Variants in NHSL2 observed in about 807,000 individuals in gnomAD.
NHSL2 encodes NHS like 2.
NHSL2 carries 27 observed loss-of-function variants against 53.4 expected under a neutral mutation model. The observed-to-expected ratio is 0.51, with a 90% CI of 0.37 to 0.70. The LOEUF (loss-of-function observed/expected upper bound fraction) is 0.70, where lower values mean the gene tolerates loss of function less well. Ranked by LOEUF, NHSL2 falls within the 30% of genes least tolerant of loss-of-function variation. The pLI, the probability that NHSL2 is intolerant of heterozygous loss-of-function variation, is 0.00. For missense variants in NHSL2, 892 were observed against 980.1 expected (o/e 0.91, Z 1.20); for synonymous variants, 408 against 404.1 (o/e 1.01, Z -0.12).
At chrX:71,959,818 T>G (rs1363049144) in intron 1 of NHSL2, among the ~76,000 whole-genome samples, 1 of 112,637 alleles carries the variant, frequency 8.9e-6, no homozygotes, top group East Asian at 2.8e-4. Flanking sequence ...TCTCTTTTTT[T>G]TGTGGAAAGA....
At chrX:72,020,268 A>G (rs1471779220) in intron 1 of NHSL2, among the ~76,000 whole-genome samples, 1 of 112,392 alleles carries the variant, frequency 8.9e-6, no homozygotes, top group Non-Finnish European at 1.9e-5. Context: ...CAGCTCACAC[A>G]GCAGCACTGA....
chrX:71,964,804 C>T (rs1167609295), intron 1 of NHSL2, among the ~76,000 whole-genome samples: 1 of 112,515 alleles, frequency 8.9e-6, no homozygotes, highest in Non-Finnish European at 1.9e-5. Context: ...CAAACTCTTA[C>T]ATCTTTCATT....
intron 1 of NHSL2, among the ~76,000 whole-genome samples, chrX:71,948,809 G>A (rs1357620970): frequency 2.0e-5 from 2 of 101,333 alleles, no homozygotes; most frequent in Non-Finnish European, 4.0e-5. Flanking sequence ...CAGCCTGGGC[G>A]ACACAGCAAG....
chrX:72,150,543 G>A lies in NHSL2; in HGVS notation c.*6969G>A, dbSNP rs1398082000. ...GGCTTGATATTCTGTCAATCCCTGG[G>A]CTCAAATTCCAGCTCCATCTTATCA... On this transcript the variant is annotated 3_prime_UTR_variant, in exon 8 of 8. Coordinates refer to ENST00000633930, the MANE Select transcript of NHSL2 (RefSeq NM_001013627.3). 1 of 112,013 alleles carries A rather than the reference G, an allele frequency of 8.9e-6. No individual in the cohort carries two copies. The highest frequency in any genetic ancestry group is 9.5e-5 in the Admixed American group (1 of 10,568). The allele number at this position is 112,013 out of a possible 1,213,427, so 9.2% of individuals were successfully genotyped here. A position where few individuals can be genotyped will look rare whatever the true frequency, so the allele number is the denominator to read the frequency against.
chrX:72,012,056 T>C lies in NHSL2; in HGVS notation c.280+100689T>C, dbSNP rs762952330. 2.7e-5 allele frequency among the ~76,000 whole-genome samples: 3 copies of C among 112,053 alleles called. No individual in the cohort carries two copies. The South Asian group carries it at 1.1e-3, about 41-fold the overall frequency. ...ACATATGGTTTGCAAACATTTTCTC[T>C]TGGTCTGAAGCTTTTTCTCATCCTC... On this transcript the variant is annotated intron_variant, in intron 1 of 7. Coordinates refer to ENST00000633930, the MANE Select transcript of NHSL2 (RefSeq NM_001013627.3).
At chrX:71,964,920 C>T (rs756869837) in intron 1 of NHSL2, among the ~76,000 whole-genome samples, 2 of 111,269 alleles carry the variant, frequency 1.8e-5, no homozygotes, top group South Asian at 7.6e-4. Flanking sequence ...TCTAAAAAGT[C>T]ATTGCAATGT....
chrX:72,138,893 G>A lies in NHSL2; in HGVS notation c.1345G>A (p.Ala449Thr). 8.3e-7 allele frequency: 1 copy of A among 1,210,093 alleles called. No homozygotes were observed. The change falls in exon 6 of 8, where the codon GCA (alanine) becomes ACA (threonine). Residue 449 changes from alanine to threonine, a missense_variant. Physicochemically the swap from Ala to Thr is moderately conservative, Grantham distance 58. Coordinates refer to ENST00000633930, the MANE Select transcript of NHSL2 (RefSeq NM_001013627.3). ...ATLLVARDNP[A>T]GCSGSAGYPE... ...CCTCCTTGTCGCTCGTGATAACCCA[G>A]CAGGATGCAGTGGGTCAGCTGGCTA...
At chrX:72,102,998 G>A (rs1165265910) in intron 1 of NHSL2, among the ~76,000 whole-genome samples, 2 of 112,483 alleles carry the variant, frequency 1.8e-5, no homozygotes. Flanking sequence ...CCTAGCTCCA[G>A]TAGCAAAGCA....
intron 1 of NHSL2, among the ~76,000 whole-genome samples, chrX:71,959,559 A>AT (rs1313858545): frequency 2.7e-5 from 3 of 111,387 alleles, no homozygotes; most frequent in African/African-American, 9.8e-5. Flanking sequence ...AATTTTAAAG[A>AT]TTTTCAGCTT....
intron 1 of NHSL2, among the ~76,000 whole-genome samples, chrX:72,089,112 G>A (rs2041875163): frequency 9.0e-6 from 1 of 111,111 alleles, no homozygotes; most frequent in Admixed American, 9.6e-5. Flanking sequence ...GAAGATCTAG[G>A]TTCCTCTAGA....
intron 1 of NHSL2, among the ~76,000 whole-genome samples, chrX:72,126,707 G>A (rs753169629): frequency 9.0e-6 from 1 of 111,715 alleles, no homozygotes; most frequent in African/African-American, 3.3e-5. Flanking sequence ...ACTGCTCTGG[G>A]GACTTGTGAT....
intron 5 of NHSL2, among the ~76,000 whole-genome samples, chrX:72,137,925 C>G (rs2042372993): frequency 9.0e-6 from 1 of 111,708 alleles, no homozygotes; most frequent in Non-Finnish European, 1.9e-5. Context: ...ACGGTTTCCT[C>G]ACATCCGTAG....
chrX:71,970,013 C>T (rs1315497130), intron 1 of NHSL2, among the ~76,000 whole-genome samples: 1 of 112,150 alleles, frequency 8.9e-6, no homozygotes, highest in African/African-American at 3.2e-5. Context: ...TTTTCTGCAT[C>T]TGTTGAAATC....
At chrX:72,005,964 C>A (rs2042092693) in intron 1 of NHSL2, among the ~76,000 whole-genome samples, 1 of 111,862 alleles carries the variant, frequency 8.9e-6, no homozygotes, top group African/African-American at 3.3e-5. Flanking sequence ...GGAGTTAGAC[C>A]TGAGGCCCAG....
chrX:72,148,406 G>A lies in NHSL2; in HGVS notation c.*4832G>A, dbSNP rs1448355520. ...TGTTATGGGCTATCAGTCCAGCTTG[G>A]TGTGAAAATGAGACTATATCTATAC... On this transcript the variant is annotated 3_prime_UTR_variant, in exon 8 of 8. Coordinates refer to ENST00000633930, the MANE Select transcript of NHSL2 (RefSeq NM_001013627.3). The A allele has an allele frequency of 1.8e-5, 2 of 110,995 alleles. No homozygotes were observed. The highest frequency in any genetic ancestry group is 3.8e-5 in the Non-Finnish European group (2 of 53,060). The allele number at this position is 110,995 out of a possible 1,213,427, so 9.1% of individuals were successfully genotyped here.
chrX:72,093,573 G>A (rs1206521372), intron 1 of NHSL2, among the ~76,000 whole-genome samples: 2 of 112,295 alleles, frequency 1.8e-5, no homozygotes, highest in Non-Finnish European at 3.8e-5. Context: ...TATAGGGTGG[G>A]TGACCCACAG....
chrX:72,152,357 G>GCACA lies in NHSL2; in HGVS notation c.*8814_*8817dup, dbSNP rs59980083. 3.4e-3 allele frequency: 32 copies of GCACA among 9,517 alleles called. No homozygotes were observed. The highest frequency in any genetic ancestry group is 3.7e-3 in the African/African-American group (31 of 8,483). The allele number at this position is 9,517 out of a possible 1,213,427, so 0.8% of individuals were successfully genotyped here. ...TACATGCGTGTGTGCATGCGCGCGC[G>GCACA]CACACACACACACACACACACACAC... On this transcript the variant is annotated 3_prime_UTR_variant, in exon 8 of 8. Coordinates refer to ENST00000633930, the MANE Select transcript of NHSL2 (RefSeq NM_001013627.3).
Position 71,911,225 on chromosome X carries a change from C to T in NHSL2, c.138C>T (p.His46=), listed in dbSNP as rs184072142. ...GGCAGCTCGCCGACCTCTGTGGCCA[C>T]TCGTTGGCTCTGCTCGAGGACCTCG... The part of the protein sequence containing the change: ...LLRQLADLCG[H]SLALLEDLEG... The change falls in exon 1 of 8, where the codon CAC becomes CAT. Residue 46 remains histidine, a synonymous_variant. Coordinates refer to ENST00000633930, the MANE Select transcript of NHSL2 (RefSeq NM_001013627.3). The T allele has an allele frequency of 3.4e-3, 3,884 of 1,147,252 alleles. 22 individuals are homozygous for T. The highest frequency in any genetic ancestry group is 0.019 in the Middle Eastern group (74 of 3,873). The allele number at this position is 1,147,252 out of a possible 1,213,427, so 94.5% of individuals were successfully genotyped here. A position where few individuals can be genotyped will look rare whatever the true frequency, so the allele number is the denominator to read the frequency against.
At chrX:72,094,383 C>T (rs1157712105) in intron 1 of NHSL2, among the ~76,000 whole-genome samples, 1 of 111,772 alleles carries the variant, frequency 8.9e-6, no homozygotes, top group Non-Finnish European at 1.9e-5. Context: ...ATACATAGCA[C>T]ATTTCAAAAC....
Sources: gnomAD v4.1 joint callset for allele counts (sites outside exome capture counted in the v4.1 genomes callset) on GRCh38, gnomAD v4.1.1 for gene constraint, MANE v1.5 for transcripts, NCBI Gene and HGNC (gene_info 2026-07-23, HGNC 2026-07-21) for gene names.